The following RERE variants were observed in gnomAD, a reference collection of about 807,000 sequenced individuals.
RERE encodes the protein arginine-glutamic acid dipeptide repeats.
RERE carries 40 observed loss-of-function variants against 146.1 expected under a neutral mutation model. The ratio of observed to expected loss-of-function variants is 0.27; its 90% confidence interval spans 0.21 to 0.36. The LOEUF is 0.36. RERE is among the 10% of genes least tolerant of loss of function. The probability of loss-of-function intolerance (pLI) is 1.00; values close to 1 mark genes in which losing one functional copy is unlikely to be tolerated. For missense variants in RERE, 1,933 were observed against 2,138.7 expected, an observed-to-expected ratio of 0.90 and a Z score of 1.90; for synonymous variants, 1,003 against 866.0, an observed-to-expected ratio of 1.16 and a Z score of -2.78.
Position 8,364,655 on chromosome 1 carries a change from T to G in RERE, c.1540+91A>C. The G allele has an allele frequency of 2.2e-6, 2 of 890,250 alleles. No homozygotes were observed. Among genetic ancestry groups the G allele is most frequent in the Non-Finnish European group, 3.7e-6 (2 of 533,474 alleles). 55.1% of individuals were successfully genotyped at this position (890,250 alleles called of 1,614,324 possible). A position where few individuals can be genotyped will look rare whatever the true frequency, so the allele number is the denominator to read the frequency against. ...CAAATGTCAAATCAAGTACTGTCCC[T>G]GGCAGGTTTCCAGCTGGATGCATGA... On this transcript the variant is annotated intron_variant, in intron 14 of 22. Coordinates refer to ENST00000400908, the MANE Select transcript of RERE (RefSeq NM_001042681.2). This position sits in a 1 kb window ranked among gnomAD's most constrained non-coding sequence, Gnocchi z 5.1.
chr1:8,776,962 C>T (rs1435947116), intron 1 of RERE, among the ~76,000 whole-genome samples: 1 of 151,908 alleles, frequency 6.6e-6, no homozygotes. Flanking sequence ...CTCCTGGGCT[C>T]AAGCTATCCG....
At chr1:8,525,763 A>C in intron 7 of RERE, 1 of 1,600,162 alleles carries the variant, frequency 6.2e-7, no homozygotes, top group East Asian at 2.3e-5. Context: ...GCCTACCTGC[A>C]GGGGCTGAAT....
At chr1:8,372,347 T>C (rs1335495586) in intron 12 of RERE, among the ~76,000 whole-genome samples, 1 of 152,110 alleles carries the variant, frequency 6.6e-6, no homozygotes, top group Non-Finnish European at 1.5e-5. Flanking sequence ...CACCCAAGAT[T>C]GAGTCCCACT....
intron 7 of RERE, among the ~76,000 whole-genome samples, chr1:8,534,494 C>T (rs1005853243): frequency 2.0e-5 from 3 of 152,160 alleles, no homozygotes; most frequent in Non-Finnish European, 2.9e-5. Flanking sequence ...AACACACGCA[C>T]TCCCTAGCTC....
chr1:8,578,820 C>T (rs1016919670), intron 4 of RERE, among the ~76,000 whole-genome samples: 3 of 152,192 alleles, frequency 2.0e-5, no homozygotes, highest in African/African-American at 7.2e-5. Flanking sequence ...GAGCTAGAGA[C>T]ATCTGCCCCT....
At chr1:8,808,971 A>G (rs1641740840) in intron 1 of RERE, among the ~76,000 whole-genome samples, 1 of 151,976 alleles carries the variant, frequency 6.6e-6, no homozygotes, top group Non-Finnish European at 1.5e-5. Context: ...CCCTGTCTCC[A>G]CTAAAAAATA....
intron 12 of RERE, among the ~76,000 whole-genome samples, chr1:8,375,379 A>G (rs554842753): frequency 6.6e-6 from 1 of 152,348 alleles, no homozygotes; most frequent in Non-Finnish European, 1.5e-5. Flanking sequence ...CTTTGATTAC[A>G]TTTACTGTTA....
At chr1:8,501,012 G>A (rs1434565833) in intron 8 of RERE, among the ~76,000 whole-genome samples, 38 of 124,862 alleles carry the variant, frequency 3.0e-4, no homozygotes, top group African/African-American at 5.9e-4. Context: ...GTCTCCGCCC[G>A]GCAGCCACCC....
chr1:8,657,314 A>G (rs1638344300), intron 1 of RERE, among the ~76,000 whole-genome samples: 1 of 144,062 alleles, frequency 6.9e-6, no homozygotes, highest in Non-Finnish European at 1.5e-5. Flanking sequence ...CTCAAAAAAA[A>G]AAAAAAAAGA....
At chr1:8,480,147 T>G (rs1644814605) in intron 10 of RERE, among the ~76,000 whole-genome samples, 3 of 147,092 alleles carry the variant, frequency 2.0e-5, no homozygotes, top group Middle Eastern at 6.9e-3. Flanking sequence ...TTTTTTGTTT[T>G]TTTTTTTTTT....
intron 1 of RERE, among the ~76,000 whole-genome samples, chr1:8,685,350 T>C (rs1199466312): frequency 4.6e-5 from 7 of 152,238 alleles, no homozygotes; most frequent in Admixed American, 3.9e-4. Context: ...ATTACTTCCT[T>C]ACTTTGAAAG....
chr1:8,380,621 A>C (rs1485864718), intron 12 of RERE: 1 of 354,128 alleles, frequency 2.8e-6, no homozygotes, highest in East Asian at 7.6e-5. Context: ...TGCTGGGATT[A>C]CAGGCGTGAG....
intron 11 of RERE, among the ~76,000 whole-genome samples, chr1:8,438,478 G>A (rs1342388166): frequency 6.6e-6 from 1 of 152,174 alleles, no homozygotes; most frequent in Non-Finnish European, 1.5e-5. Context: ...ACAGCAAAAC[G>A]GAACAGAAGG....
Position 8,423,718 on chromosome 1 carries a change from C to T in RERE, c.1204-911G>A. The T allele has an allele frequency of 1.0e-6, 1 of 979,608 alleles. No individual in the cohort carries two copies. Among genetic ancestry groups the T allele is most frequent in the Non-Finnish European group, 1.2e-6 (1 of 827,246 alleles). The allele number at this position is 979,608 out of a possible 1,614,324, so 60.7% of individuals were successfully genotyped here. Reference sequence around the variant, plus strand: ...CGGGTGGCTCGGCGTGTGACCGCGGCGGGGCCGCGCGGCGCGGGGCCCGGG... The same window carrying T: ...CGGGTGGCTCGGCGTGTGACCGCGGTGGGGCCGCGCGGCGCGGGGCCCGGG... On this transcript the variant is annotated intron_variant, in intron 11 of 22. Transcript: ENST00000400908. The surrounding 1 kb of genome is among the most constrained non-coding windows in gnomAD (Gnocchi z 5.4).
intron 21 of RERE, 99 bp from the exon 22 acceptor site, chr1:8,355,698 G>A (rs1641263212): frequency 9.3e-7 from 1 of 1,070,476 alleles, no homozygotes; most frequent in Non-Finnish European, 1.3e-6. Context: ...CACAGGAGAG[G>A]TGCCAGTTCG....
chr1:8,507,284 T>G (rs1645262816), intron 8 of RERE, among the ~76,000 whole-genome samples: 1 of 152,042 alleles, frequency 6.6e-6, no homozygotes, highest in Admixed American at 6.6e-5. Context: ...CTGAAAAACG[T>G]AAAAACAACA....
At chr1:8,753,870 T>C (rs1036652407) in intron 1 of RERE, 2 of 152,216 alleles carry the variant, frequency 1.3e-5, no homozygotes, top group East Asian at 1.9e-4. Flanking sequence ...CCCACATTCA[T>C]AGGCTGGCAA....
At chr1:8,422,947 T>G in intron 11 of RERE, 140 bp from the exon 12 acceptor site, 1 of 654,026 alleles carries the variant, frequency 1.5e-6, no homozygotes, top group East Asian at 2.8e-5. Flanking sequence ...TCGGAGAGTA[T>G]GTCAGCAGCT....
chr1:8,807,815 G>T (rs1418979300), intron 1 of RERE, among the ~76,000 whole-genome samples: 1 of 152,144 alleles, frequency 6.6e-6, no homozygotes, highest in Non-Finnish European at 1.5e-5. Context: ...AGAGTAGTAA[G>T]ACAGTGAAAT....
Sources: gnomAD v4.1 joint callset for allele counts (sites outside exome capture counted in the v4.1 genomes callset) on GRCh38, gnomAD v4.1.1 for gene constraint, Gnocchi (gnomAD v3.1) non-coding constraint, MANE v1.5 for transcripts, NCBI Gene and HGNC (gene_info 2026-07-23, HGNC 2026-07-21) for gene names.